EPOR: variants seen among roughly 807,000 people sequenced by gnomAD.
The protein encoded by EPOR is erythropoietin receptor.
Under a neutral mutation model 34.3 loss-of-function variants are expected in EPOR, and 20 were observed. That is an observed-to-expected ratio of 0.58 (90% CI 0.41 to 0.85). The LOEUF (loss-of-function observed/expected upper bound fraction) is 0.85, where lower values mean the gene tolerates loss of function less well. Among genes scored for constraint, EPOR ranks in the 40% least tolerant of loss-of-function variants. The pLI, the probability that EPOR is intolerant of heterozygous loss-of-function variation, is 0.00. For synonymous variants in EPOR, 312 were observed against 299.0 expected, an observed-to-expected ratio of 1.04 and a Z score of -0.45; for missense variants, 601 against 672.7, an observed-to-expected ratio of 0.89 and a Z score of 1.18.
In EPOR at chr19:11,381,663, G is replaced by T; in HGVS notation, c.585+29C>A. The T allele has an allele frequency of 6.3e-7, 1 of 1,580,796 alleles. No homozygotes were observed. Among genetic ancestry groups the T allele is most frequent in the Non-Finnish European group, 8.6e-7 (1 of 1,163,266 alleles). On this transcript the variant is annotated intron_variant, in intron 4 of 7. Coordinates refer to ENST00000222139, the MANE Select transcript of EPOR (RefSeq NM_000121.4). This position sits in a 1 kb window ranked among gnomAD's most constrained non-coding sequence, Gnocchi z 5.3. ...GCTGGGCCGTAGTCAGTGGAGCTTT[G>T]GGGGCTGGGCCGTAGGGGCTGGCCT...
At position 11,381,994 on chromosome 19, in the gene EPOR, C is replaced by T; in HGVS notation, c.363G>A (p.Glu121=). 1 of 1,614,244 alleles carries T rather than the reference C, an allele frequency of 6.2e-7. No individual in the cohort carries two copies. ...CGCCGGAGGCTGCTGTGACGCGCAA[C>T]TCTAGGGGCACGAAGCTCGACGTGT... ...TADTSSFVPL[E]LRVTAASGAP... The change falls in exon 3 of 8, where the codon GAG becomes GAA. Residue 121 remains glutamate (E), a synonymous_variant. Coordinates refer to ENST00000222139, the MANE Select transcript of EPOR (RefSeq NM_000121.4). The surrounding 1 kb of genome is among the most constrained non-coding windows in gnomAD (Gnocchi z 5.3).
rs1365763992 is a variant in EPOR, at chr19:11,378,262, C to T, written c.1249G>A (p.Glu417Lys). The change falls in exon 8 of 8, where the codon GAG becomes AAG. Residue 417 changes from glutamate to lysine, a missense_variant. Coordinates refer to ENST00000222139, the MANE Select transcript of EPOR (RefSeq NM_000121.4). This position sits in a 1 kb window ranked among gnomAD's most constrained non-coding sequence, Gnocchi z 5.3. ...TCAAAGCTGGCAGCAGAGGCTCCCT[C>T]TGGGCTGGGCTTCGAGGCCAAAGCA... ...SSALASKPSP[E>K]GASAASFEYT... The T allele has an allele frequency of 1.9e-6, 3 of 1,614,000 alleles. No individual in the cohort carries two copies. The highest frequency in any genetic ancestry group is 3.3e-5 in the Admixed American group (2 of 59,992).
Position 11,378,029 on chromosome 19 carries a change from G to C in EPOR, c.1482C>G (p.Ile494Met), listed in dbSNP as rs748120978. The C allele has an allele frequency of 6.2e-7, 1 of 1,614,164 alleles. No individual in the cohort carries two copies. The highest frequency in any genetic ancestry group is 8.5e-7 in the Non-Finnish European group (1 of 1,180,034). The change falls in exon 8 of 8, where the codon ATC becomes ATG. Residue 494 changes from isoleucine (I) to methionine (M), a missense_variant. Transcript: ENST00000222139. The surrounding 1 kb of genome is among the most constrained non-coding windows in gnomAD (Gnocchi z 5.3). ...PYSNPYENSL[I>M]PAAEPLPPSY... ...TGGGGGGCAGAGGCTCAGCGGCTGG[G>C]ATAAGGCTGTTCTCATAAGGGTTGG... is the stretch of plus-strand genomic sequence containing the variant.
Position 11,384,084 on chromosome 19 carries a change from C to G in EPOR, c.115+9G>C. 6.5e-7 allele frequency: 1 copy of G among 1,532,320 alleles called. No individual in the cohort carries two copies. The allele number at this position is 1,532,320 out of a possible 1,614,324, so 94.9% of individuals were successfully genotyped here. ...CCAGCGTAGGGGTCCACACGCAGCTCATCCTTACCTTTGCTCTCGAACTTG... is the reference window on the plus strand; with the variant it reads ...CCAGCGTAGGGGTCCACACGCAGCTGATCCTTACCTTTGCTCTCGAACTTG... On this transcript the variant is annotated intron_variant, in intron 1 of 7. Coordinates refer to ENST00000222139, the MANE Select transcript of EPOR (RefSeq NM_000121.4).
In EPOR at chr19:11,384,202, G is replaced by A; in HGVS notation, c.6C>T (p.Asp2=). 6.5e-7 allele frequency: 1 copy of A among 1,542,652 alleles called. No homozygotes were observed. The highest frequency in any genetic ancestry group is 8.7e-7 in the Non-Finnish European group (1 of 1,143,970). Residue 2 remains aspartate (D), a synonymous_variant, in exon 1 of 8, where the codon GAC becomes GAT. Transcript: ENST00000222139. ...GGGGCCAGAGGGACGCCCCGAGGTG[G>A]TCCATGATACAGCCCCCGCCACGGG... The part of the protein sequence containing the change: M[D]HLGASLWPQV...
rs1011820847 is a variant in EPOR at position 11,377,367 on chromosome 19, G to A, written c.*617C>T. 2 of 453,968 alleles carry A rather than the reference G, an allele frequency of 4.4e-6. No homozygotes were observed. Among genetic ancestry groups the A allele is most frequent in the African/African-American group, 2.0e-5 (1 of 49,992 alleles). 28.1% of individuals were successfully genotyped at this position (453,968 alleles called of 1,614,324 possible). A position where few individuals can be genotyped will look rare whatever the true frequency, so the allele number is the denominator to read the frequency against. On this transcript the variant is annotated 3_prime_UTR_variant, in exon 8 of 8. Transcript: ENST00000222139. ...CAGCCAGTGAGGTGTGAGAAGAAGAGAGGAAGCCCATTTCCAGGCCAGATC... is the reference window on the plus strand; with the variant it reads ...CAGCCAGTGAGGTGTGAGAAGAAGAAAGGAAGCCCATTTCCAGGCCAGATC...
At chr19:11,379,701 A>ATT (rs1203446102) in intron 6 of EPOR, among the ~76,000 whole-genome samples, 10 of 143,472 alleles carry the variant, frequency 7.0e-5, no homozygotes, top group Non-Finnish European at 9.2e-5. Flanking sequence ...CCATGTGGCA[A>ATT]TTTTTTTTTT....
rs772690195 is a variant in EPOR, at chr19:11,383,141, G to T, written c.207C>A (p.Ser69Arg). The change falls in exon 2 of 8, where the codon AGC becomes AGA. Residue 69 changes from serine to arginine, a missense_variant. By Grantham distance (110) the Ser-to-Arg change is moderately radical. Coordinates refer to ENST00000222139, the MANE Select transcript of EPOR (RefSeq NM_000121.4). The surrounding 1 kb of genome is among the most constrained non-coding windows in gnomAD (Gnocchi z 4.9). ...DLVCFWEEAA[S>R]AGVGPGNYSF... ...TGTAGTTGCCCGGGCCCACCCCAGC[G>T]CTCGCCGCTTCCTCCCAGAAACACA... is the stretch of plus-strand genomic sequence containing the variant. 5 of 1,613,366 alleles carry T rather than the reference G, an allele frequency of 3.1e-6. No homozygotes were observed. In the Admixed American group the frequency reaches 6.7e-5, roughly 22 times the overall value.
rs1968295297 is a variant in EPOR, at chr19:11,377,416, A to G, written c.*568T>C. The G allele has an allele frequency of 6.6e-6, 3 of 453,944 alleles. No individual in the cohort carries two copies. The highest frequency in any genetic ancestry group is 1.3e-5 in the Non-Finnish European group (3 of 226,778). The allele number at this position is 453,944 out of a possible 1,614,324, so 28.1% of individuals were successfully genotyped here. A position where few individuals can be genotyped will look rare whatever the true frequency, so the allele number is the denominator to read the frequency against. On this transcript the variant is annotated 3_prime_UTR_variant, in exon 8 of 8. Coordinates refer to ENST00000222139, the MANE Select transcript of EPOR (RefSeq NM_000121.4). ...TCCCTCAAATGGCCCATTGAGGGTC[A>G]TTGCTGCCCTTTTTCTTCCCTTGCT...
Position 11,381,411 on chromosome 19 carries a change from G to A in EPOR, c.586-202C>T, listed in dbSNP as rs958995658. On this transcript the variant is annotated intron_variant, in intron 4 of 7. Coordinates refer to ENST00000222139, the MANE Select transcript of EPOR (RefSeq NM_000121.4). The surrounding 1 kb of genome is among the most constrained non-coding windows in gnomAD (Gnocchi z 5.3). ...TCTCTGGTACGAAAGGGCGGGACCC[G>A]GGCAATTTAATATCTGGGCTAGCAC... The A allele has an allele frequency of 2.8e-6, 2 of 702,840 alleles. No individual in the cohort carries two copies. Among genetic ancestry groups the A allele is most frequent in the African/African-American group, 3.6e-5 (2 of 55,952 alleles). The allele number at this position is 702,840 out of a possible 1,614,324, so 43.5% of individuals were successfully genotyped here.
At position 11,383,597 on chromosome 19, in the gene EPOR, G is replaced by A. The variant is rs1968395584; in HGVS notation, c.116-365C>T. The A allele has an allele frequency of 1.2e-5, 3 of 250,312 alleles. No individual in the cohort carries two copies. In the South Asian group the frequency reaches 1.8e-4, roughly 15 times the overall value. 15.5% of individuals were successfully genotyped at this position (250,312 alleles called of 1,614,324 possible). On this transcript the variant is annotated intron_variant, in intron 1 of 7. Coordinates refer to ENST00000222139, the MANE Select transcript of EPOR (RefSeq NM_000121.4). This position sits in a 1 kb window ranked among gnomAD's most constrained non-coding sequence, Gnocchi z 4.9. ...GGCGGGCCCCCTATCGGCCCCGGCA[G>A]GCTCCCCGCCAACCGATAGCGCCAA...
Position 11,383,365 on chromosome 19 carries a change from G to GACCC in EPOR, c.116-134_116-133insGGGT. 3 of 959,108 alleles carry GACCC rather than the reference G, an allele frequency of 3.1e-6. No individual in the cohort carries two copies. The highest frequency in any genetic ancestry group is 4.5e-6 in the Non-Finnish European group (3 of 666,392). 59.4% of individuals were successfully genotyped at this position (959,108 alleles called of 1,614,324 possible). The stretch of plus-strand genomic sequence containing the variant: ...CCCCGCCCTGCCATCTTCCCAAGCG[G>GACCC]GTCCCTTGGAGGGGTCCGCAGAGGT... On this transcript the variant is annotated intron_variant, in intron 1 of 7. Coordinates refer to ENST00000222139, the MANE Select transcript of EPOR (RefSeq NM_000121.4). This position sits in a 1 kb window ranked among gnomAD's most constrained non-coding sequence, Gnocchi z 4.9.
chr19:11,381,061 G>A lies in EPOR; in HGVS notation c.734C>T (p.Pro245Leu), dbSNP rs761020369. ...AWSEPVSLLT[P>L]SDLDPLILTL... ...ACCCCCGCCTGGGGCCTCACCGCTA[G>A]GCGTCAGCAGCGACACAGGCTCCGA... Residue 245 changes from proline (P) to leucine (L), a missense_variant, in exon 5 of 8, where the codon CCT (proline) becomes CTT (leucine). By Grantham distance (98) the Pro-to-Leu change is moderately conservative (BLOSUM62 -3). Transcript: ENST00000222139. The surrounding 1 kb of genome is among the most constrained non-coding windows in gnomAD (Gnocchi z 5.3). 3.7e-6 allele frequency: 6 copies of A among 1,601,422 alleles called. No homozygotes were observed. In the Admixed American group the frequency reaches 1.0e-4, roughly 27 times the overall value.
chr19:11,381,236 G>C lies in EPOR; in HGVS notation c.586-27C>G, dbSNP rs777198652. The stretch of plus-strand genomic sequence containing the variant: ...TGGGGGCGGAATCAGGGCGAGGGAC[G>C]CGTAGCAGACAAAAATAGATGACGT... On this transcript the variant is annotated intron_variant, in intron 4 of 7. Transcript: ENST00000222139. The surrounding 1 kb of genome is among the most constrained non-coding windows in gnomAD (Gnocchi z 5.3). 9 of 1,548,518 alleles carry C rather than the reference G, an allele frequency of 5.8e-6. No individual in the cohort carries two copies. Among genetic ancestry groups the C allele is most frequent in the Non-Finnish European group, 7.8e-6 (9 of 1,146,788 alleles).
Position 11,381,838 on chromosome 19 carries a change from CG to C in EPOR, c.438del (p.Asp146GlufsTer17), listed in dbSNP as rs765237972. ...AACCGCGCCACCAGCCCCACGGGGG[CG>C]TCTAGGAGCACTGCAGGCATGGGGG... ...VIHINEVVLLDAPVGLVARLA... is the reference protein window; with the variant it reads ...VIHINEVVLLXAPVGLVARLA... On this transcript the variant is annotated frameshift_variant, in exon 4 of 8. Transcript: ENST00000222139. LOFTEE classifies it high-confidence loss of function. The surrounding 1 kb of genome is among the most constrained non-coding windows in gnomAD (Gnocchi z 5.3). The C allele has an allele frequency of 1.2e-6, 2 of 1,614,086 alleles. No individual in the cohort carries two copies. Among genetic ancestry groups the C allele is most frequent in the South Asian group, 2.2e-5 (2 of 91,088 alleles).
chr19:11,382,194 A>G, intron 2 of EPOR, 89 bp from the exon 3 acceptor site: 1 of 1,091,828 alleles, frequency 9.2e-7, no homozygotes, highest in South Asian at 1.4e-5. Context: ...TATGTGTGAC[A>G]CAAGGTCTAG....
rs1170330244 is a variant in EPOR, at chr19:11,377,545, C to T, written c.*439G>A. 4.4e-6 allele frequency: 2 copies of T among 454,428 alleles called. No individual in the cohort carries two copies. The highest frequency in any genetic ancestry group is 4.0e-5 in the African/African-American group (2 of 49,982). 28.1% of individuals were successfully genotyped at this position (454,428 alleles called of 1,614,324 possible). A position where few individuals can be genotyped will look rare whatever the true frequency, so the allele number is the denominator to read the frequency against. Reference sequence around the variant, plus strand: ...CTCTGACTCATCCCATGGATGGCTGCCCATTTGAGCTGAGTTAGGAGAGAG... The same window carrying T: ...CTCTGACTCATCCCATGGATGGCTGTCCATTTGAGCTGAGTTAGGAGAGAG... On this transcript the variant is annotated 3_prime_UTR_variant, in exon 8 of 8. Transcript: ENST00000222139.
Position 11,378,087 on chromosome 19 carries a change from C to G in EPOR, c.1424G>C (p.Gly475Ala), listed in dbSNP as rs767356681. ...STDYSSGDSQ[G>A]AQGGLSDGPY... ...GCCATCGGATAAGCCCCCTTGGGCT[C>G]CCTGGGAGTCCCCTGAGCTGTAGTC... is the stretch of plus-strand genomic sequence containing the variant. Residue 475 changes from glycine (G) to alanine (A), a missense_variant, in exon 8 of 8, where the codon GGA (glycine) becomes GCA (alanine). Physicochemically the swap from Gly to Ala is moderately conservative, Grantham distance 60. Coordinates refer to ENST00000222139, the MANE Select transcript of EPOR (RefSeq NM_000121.4). The surrounding 1 kb of genome is among the most constrained non-coding windows in gnomAD (Gnocchi z 5.3). 3.1e-6 allele frequency: 5 copies of G among 1,613,908 alleles called. No individual in the cohort carries two copies. The East Asian group carries it at 8.9e-5, about 29-fold the overall frequency.
chr19:11,381,454 C>T lies in EPOR; in HGVS notation c.585+238G>A, dbSNP rs1033398596. 25 of 664,188 alleles carry T rather than the reference C, an allele frequency of 3.8e-5. No individual in the cohort carries two copies. In the African/African-American group the frequency reaches 3.8e-4, roughly 10 times the overall value. The allele number at this position is 664,188 out of a possible 1,614,324, so 41.1% of individuals were successfully genotyped here. On this transcript the variant is annotated intron_variant, in intron 4 of 7. Transcript: ENST00000222139. This position sits in a 1 kb window ranked among gnomAD's most constrained non-coding sequence, Gnocchi z 5.3. ...GCTAGCACTCGTAGAGGGACCCGGG[C>T]GCTAAAGGGGTCTAGGGTTACGGGC... is the stretch of plus-strand genomic sequence containing the variant.
Sources: allele counts gnomAD v4.1 joint callset (sites outside exome capture counted in the v4.1 genomes callset), GRCh38; gene constraint gnomAD v4.1.1; non-coding constraint Gnocchi (gnomAD v3.1); transcripts MANE v1.5; gene names NCBI Gene and HGNC (gene_info 2026-07-23, HGNC 2026-07-21).